Variants in UBTF observed in about 807,000 individuals in gnomAD.
UBTF encodes upstream binding transcription factor, also known as nucleolar transcription factor 1.
Under a neutral mutation model 112.3 loss-of-function variants are expected in UBTF, and 8 were observed. The ratio of observed to expected loss-of-function variants is 0.07; its 90% CI spans 0.04 to 0.13. UBTF has a LOEUF of 0.13. Ranked by LOEUF, UBTF falls within the 10% of genes least tolerant of loss-of-function variation. The pLI is 1.00. For synonymous variants in UBTF, 417 were observed against 373.1 expected (o/e 1.12, Z -1.36); for missense variants, 457 against 982.1 (o/e 0.47, Z 7.15).
Position 44,211,543 on chromosome 17 carries a change from C to A in UBTF, c.1047+63G>T, listed in dbSNP as rs1287129986. 3.8e-6 allele frequency: 6 copies of A among 1,577,510 alleles called. No homozygotes were observed. The Admixed American group carries it at 1.0e-4, about 27-fold the overall frequency. ...ACACGCCACCAGGGACTGACTGGCC[C>A]AAGATGGGATCAGACCTCATGCTTC... On this transcript the variant is annotated intron_variant, in intron 10 of 20. Transcript: ENST00000436088. This position sits in a 1 kb window ranked among gnomAD's most constrained non-coding sequence, Gnocchi z 4.9.
chr17:44,220,661 C>T (rs1000078563), upstream of UBTF: 3 of 152,254 alleles, frequency 2.0e-5, no homozygotes, highest in Non-Finnish European at 2.9e-5. Context: ...CAGGCCTGCC[C>T]GGGCGCATGA....
rs1281929623 is a variant in UBTF at position 44,209,505 on chromosome 17, G to A, written c.1752C>T (p.Ser584=). The A allele has an allele frequency of 1.2e-6, 2 of 1,613,220 alleles. No homozygotes were observed. The highest frequency in any genetic ancestry group is 1.7e-5 in the Admixed American group (1 of 59,982). ...GYQKFSQELL[S]NGELNHLPLK... is the part of the protein sequence containing the mutation. ...GCGGCAGGTGGTTCAGCTCCCCATT[G>A]GACAGCAGCTCCTGGGAGAACTTCT... is the stretch of plus-strand genomic sequence containing the variant. Residue 584 remains serine, a synonymous_variant, in exon 17 of 21, where the codon TCC becomes TCT. Transcript: ENST00000436088.
chr17:44,209,619 G>C lies in UBTF; in HGVS notation c.1715+26C>G, dbSNP rs771508418. On this transcript the variant is annotated intron_variant, in intron 16 of 20. Transcript: ENST00000436088. ...CAGCCCTGACCCTCCCCGACCTCCA[G>C]GGCAGACTCCAACCCCCAGGCTCAC... 9.9e-6 allele frequency: 16 copies of C among 1,614,108 alleles called. No individual in the cohort carries two copies. The South Asian group carries it at 1.4e-4, about 14-fold the overall frequency.
intron 7 of UBTF, among the ~76,000 whole-genome samples, 159 bp downstream of exon 7, chr17:44,212,660 C>T (rs558629075): frequency 1.5e-4 from 23 of 152,312 alleles, no homozygotes; most frequent in African/African-American, 4.8e-4. Flanking sequence ...CACACGCACA[C>T]GCTTGCACGC....
Position 44,213,241 on chromosome 17 carries a change from G to A in UBTF, c.516C>T (p.Phe172=), listed in dbSNP as rs1245277610. 1.9e-6 allele frequency: 3 copies of A among 1,613,860 alleles called. No individual in the cohort carries two copies. Among genetic ancestry groups the A allele is most frequent in the Non-Finnish European group, 2.5e-6 (3 of 1,179,860 alleles). The change falls in exon 6 of 21, where the codon TTC becomes TTT. Residue 172 remains phenylalanine, a synonymous_variant. Coordinates refer to ENST00000436088, the MANE Select transcript of UBTF (RefSeq NM_014233.4). ...ACCTGAATCGGGCCAGGTTTCGCTC[G>A]AACTCCTGTTTCTCTCTCTGGAAGT... ...IQDFQREKQE[F]ERNLARFRED... is the part of the protein sequence containing the mutation.
At position 44,207,115 on chromosome 17, in the gene UBTF, TAAAGAAAGA is replaced by T; in HGVS notation, c.*118_*126del. On this transcript the variant is annotated 3_prime_UTR_variant, in exon 21 of 21. Coordinates refer to ENST00000436088, the MANE Select transcript of UBTF (RefSeq NM_014233.4). ...CCCCCACCGTATTTTTTTTTTTTTT[TAAAGAAAGA>T]AAGAAAGTGGGGGAGGCCAGGGGGG... 9.9e-7 allele frequency: 1 copy of T among 1,007,558 alleles called. No homozygotes were observed. Among genetic ancestry groups the T allele is most frequent in the Admixed American group, 2.8e-5 (1 of 35,150 alleles). 62.4% of individuals were successfully genotyped at this position (1,007,558 alleles called of 1,614,324 possible).
rs1319419216 is a variant in UBTF at position 44,218,186 on chromosome 17, G to A, written c.44C>T (p.Ala15Val). The A allele has an allele frequency of 9.3e-6, 15 of 1,612,422 alleles. No individual in the cohort carries two copies. Among genetic ancestry groups the A allele is most frequent in the Non-Finnish European group, 1.0e-5 (12 of 1,179,664 alleles). ...ADCPTDLEMA[A>V]PKGQDRWSQE... ...GATGCCCCTACCTTGGCCTTTGGGG[G>A]CGGCCATTTCCAGGTCTGTGGGGCA... The change falls in exon 2 of 21, where the codon GCC becomes GTC. Residue 15 changes from alanine (A) to valine (V), a missense_variant. Ala to Val is a moderately conservative substitution (Grantham distance 64, BLOSUM62 0). This residue lies in a region of UBTF where 20 missense variants were observed against 29.1 expected (regional missense o/e 0.69). Transcript: ENST00000436088.
At chr17:44,212,750 G>C (rs868491257) in intron 7 of UBTF, 69 bp downstream of exon 7, 1 of 1,593,362 alleles carries the variant, frequency 6.3e-7, no homozygotes, top group African/African-American at 1.3e-5. Context: ...GTGCCCGGCC[G>C]ACCTGGCGCG....
At chr17:44,215,417 G>T (rs1183702486) in intron 5 of UBTF, 1 of 542,040 alleles carries the variant, frequency 1.8e-6, no homozygotes, top group Non-Finnish European at 3.3e-6. Flanking sequence ...TTCTGTAGGG[G>T]GAAAGGTTGG....
intron 3 of UBTF, 118 bp downstream of exon 3, chr17:44,216,411 G>T: frequency 8.2e-7 from 1 of 1,219,842 alleles, no homozygotes; most frequent in Non-Finnish European, 1.2e-6. Context: ...GAGAGCTAAC[G>T]GGAGACCACA....
At chr17:44,210,694 G>A in intron 13 of UBTF, 98 bp downstream of exon 13, 2 of 1,493,510 alleles carry the variant, frequency 1.3e-6, no homozygotes, top group Non-Finnish European at 1.8e-6. Flanking sequence ...GCACCGCGTG[G>A]CTCAGGCGGC....
upstream of UBTF, chr17:44,220,743 G>A (rs1203569462): frequency 2.6e-5 from 4 of 151,748 alleles, no homozygotes; most frequent in Non-Finnish European, 4.4e-5. Flanking sequence ...CACTTACCGA[G>A]CGTGTGGATG....
chr17:44,208,421 G>C (rs148245133), intron 17 of UBTF, among the ~76,000 whole-genome samples: 4 of 152,288 alleles, frequency 2.6e-5, no homozygotes, highest in African/African-American at 9.6e-5. Flanking sequence ...TAGTATTTCT[G>C]CTTCTGATAC....
At position 44,205,890 on chromosome 17, in the gene UBTF, TAG is replaced by T. The variant is rs1388104649; in HGVS notation, c.*1350_*1351del. ...AATACGGGAGATGGCTGGGAAGAGT[TAG>T]AGACAGCTGCAGATGCAGCTTTTGC... is the stretch of plus-strand genomic sequence containing the variant. On this transcript the variant is annotated 3_prime_UTR_variant, in exon 21 of 21. Coordinates refer to ENST00000436088, the MANE Select transcript of UBTF (RefSeq NM_014233.4). 2.6e-5 allele frequency: 4 copies of T among 151,968 alleles called. No individual in the cohort carries two copies. Among genetic ancestry groups the T allele is most frequent in the Non-Finnish European group, 4.4e-5 (3 of 67,986 alleles). The allele number at this position is 151,968 out of a possible 1,614,324, so 9.4% of individuals were successfully genotyped here.
rs373464087 is a variant in UBTF at position 44,210,311 on chromosome 17, C to A, written c.1515+7G>T. ...GCTGCAGTACTACCCTTTCCCACCC[C>A]TGTCACCTTGAAGCGGGCCAGGTAG... On this transcript the variant is annotated splice_region_variant and intron_variant, in intron 14 of 20. Coordinates refer to ENST00000436088, the MANE Select transcript of UBTF (RefSeq NM_014233.4). The A allele has an allele frequency of 1.1e-5, 17 of 1,612,694 alleles. No homozygotes were observed. Among genetic ancestry groups the A allele is most frequent in the Non-Finnish European group, 1.4e-5 (17 of 1,179,424 alleles).
At chr17:44,209,840 G>A in intron 15 of UBTF, 107 bp from the exon 16 acceptor site, 4 of 1,234,156 alleles carry the variant, frequency 3.2e-6, no homozygotes, top group Non-Finnish European at 4.6e-6. Context: ...TCTGTGCCAG[G>A]GAGGAGGAGA....
chr17:44,210,280 C>T (rs772503727), intron 14 of UBTF, 38 bp downstream of exon 14: 3 of 1,614,268 alleles, frequency 1.9e-6, no homozygotes, highest in Non-Finnish European at 2.5e-6. Context: ...TCACCCGGGG[C>T]TAGAGGCTGC....
chr17:44,210,211 T>G lies in UBTF; in HGVS notation c.1539A>C (p.Lys513Asn), dbSNP rs1363026286. The change falls in exon 15 of 21, where the codon AAA becomes AAC. Residue 513 changes from lysine to asparagine, a missense_variant. Around this residue, in one of 7 missense-constraint regions of UBTF, gnomAD observed 77 missense variants for 211.9 expected, o/e 0.36. Coordinates refer to ENST00000436088, the MANE Select transcript of UBTF (RefSeq NM_014233.4). ...RFKNDRVKAL[K>N]AMEMTWNNME... ...TGTTATTCCAGGTCATTTCCATGGC[T>G]TTCAAGGCCTTCACCCGGTCATTCT... 6.2e-7 allele frequency: 1 copy of G among 1,614,256 alleles called. No individual in the cohort carries two copies.
rs192940379 is a variant in UBTF, at chr17:44,214,242, A to G, written c.475-960T>C. Among the ~76,000 whole-genome samples, 366 of 152,246 alleles carry G rather than the reference A, an allele frequency of 2.4e-3. 7 individuals carry two copies. The highest frequency in any genetic ancestry group is 0.021 in the South Asian group (103 of 4,830). ...CATAGAAAGGCAGTGCTCCTTTCCCACAGTTCCCACAGAAAACCAGAAGCA... is the reference window on the plus strand; with the variant it reads ...CATAGAAAGGCAGTGCTCCTTTCCCGCAGTTCCCACAGAAAACCAGAAGCA... On this transcript the variant is annotated intron_variant, in intron 5 of 20. Coordinates refer to ENST00000436088, the MANE Select transcript of UBTF (RefSeq NM_014233.4).
Sources: gnomAD v4.1 joint callset for allele counts (sites outside exome capture counted in the v4.1 genomes callset) on GRCh38, gnomAD v4.1.1 for gene constraint, gnomAD v4.1.1 regional missense constraint, Gnocchi (gnomAD v3.1) non-coding constraint, MANE v1.5 for transcripts, NCBI Gene and HGNC (gene_info 2026-07-23, HGNC 2026-07-21) for gene names.